PODXL: variants seen among roughly 807,000 people sequenced by gnomAD.
PODXL encodes the protein podocalyxin like.
In PODXL, 20 loss-of-function variants were observed where a neutral mutation model predicts 48.9. The ratio of observed to expected loss-of-function variants is 0.41; its 90% CI spans 0.29 to 0.59. PODXL has a LOEUF of 0.59. PODXL is among the 20% of genes least tolerant of loss of function. The pLI is 0.31. For synonymous variants in PODXL, 295 were observed against 287.4 expected, an observed-to-expected ratio of 1.03 and a Z score of -0.27; for missense variants, 606 against 675.1, an observed-to-expected ratio of 0.90 and a Z score of 1.13.
intron 1 of PODXL, among the ~76,000 whole-genome samples, chr7:131,522,803 A>G (rs908387508): frequency 1.3e-5 from 2 of 152,172 alleles, no homozygotes; most frequent in African/African-American, 4.8e-5. Context: ...TGTGTTTTCA[A>G]GCTTTTCTCT....
At chr7:131,537,320 A>C (rs1485027907) in intron 1 of PODXL, among the ~76,000 whole-genome samples, 1 of 150,028 alleles carries the variant, frequency 6.7e-6, no homozygotes, top group Non-Finnish European at 1.5e-5. Flanking sequence ...TTTAAAAAAA[A>C]AAAGCCAAGC....
intron 1 of PODXL, among the ~76,000 whole-genome samples, chr7:131,519,282 T>C (rs1798057381): frequency 6.6e-6 from 1 of 152,158 alleles, no homozygotes; most frequent in African/African-American, 2.4e-5. Context: ...TCACTCCTCA[T>C]TCAGCTGATC....
chr7:131,525,630 T>G (rs1798171631), intron 1 of PODXL, among the ~76,000 whole-genome samples: 1 of 150,610 alleles, frequency 6.6e-6, no homozygotes, highest in African/African-American at 2.4e-5. Flanking sequence ...AAGTATAACA[T>G]AACCTCGCTG....
intron 1 of PODXL, among the ~76,000 whole-genome samples, chr7:131,547,415 C>T (rs1424361561): frequency 6.9e-6 from 1 of 144,314 alleles, no homozygotes; most frequent in East Asian, 2.1e-4. Context: ...CGTGTGGATG[C>T]TTTCTGCACA....
At chr7:131,551,039 G>A (rs1798661212) in intron 1 of PODXL, among the ~76,000 whole-genome samples, 1 of 152,176 alleles carries the variant, frequency 6.6e-6, no homozygotes, top group African/African-American at 2.4e-5. Flanking sequence ...TGCACAGCCT[G>A]CAGGCTGCCG....
At chr7:131,527,647 A>T (rs929951336) in intron 1 of PODXL, among the ~76,000 whole-genome samples, 2 of 152,212 alleles carry the variant, frequency 1.3e-5, no homozygotes, top group African/African-American at 4.8e-5. Context: ...TAGGAAAATG[A>T]GTTTGCATGT....
intron 1 of PODXL, among the ~76,000 whole-genome samples, chr7:131,546,134 A>C (rs2116862308): frequency 6.6e-6 from 1 of 152,332 alleles, no homozygotes; most frequent in African/African-American, 2.4e-5. Flanking sequence ...GGCCATAGAA[A>C]GATCAACATC....
At chr7:131,539,292 A>G (rs1356678322) in intron 1 of PODXL, among the ~76,000 whole-genome samples, 1 of 152,234 alleles carries the variant, frequency 6.6e-6, no homozygotes, top group African/African-American at 2.4e-5. Context: ...CGAGGGAGAC[A>G]TATCTATCTT....
At chr7:131,537,822 C>G (rs369792292) in intron 1 of PODXL, among the ~76,000 whole-genome samples, 1 of 152,082 alleles carries the variant, frequency 6.6e-6, no homozygotes, top group South Asian at 2.1e-4. Flanking sequence ...ATCACACCGT[C>G]GTGACTCTTG....
chr7:131,508,985 T>C lies in PODXL; in HGVS notation c.1067A>G (p.Gln356Arg). 5 of 1,614,094 alleles carry C rather than the reference T, an allele frequency of 3.1e-6. No homozygotes were observed. Among genetic ancestry groups the C allele is most frequent in the Non-Finnish European group, 4.2e-6 (5 of 1,179,944 alleles). Residue 356 changes from glutamine to arginine, a missense_variant, in exon 5 of 9, where the codon CAG becomes CGG. Transcript: ENST00000378555. ...DLETQTQSEK[Q>R]LVLNLTGNTL... ...GTTTCCTGTGAGGTTCAGGACGAGC[T>C]GCTTCTCACTCTGTGTCTGTGTCTC...
chr7:131,546,065 C>T (rs1798570325), intron 1 of PODXL, among the ~76,000 whole-genome samples: 1 of 152,210 alleles, frequency 6.6e-6, no homozygotes, highest in East Asian at 1.9e-4. Flanking sequence ...AGTTGTTGGA[C>T]TGTAGCTCCA....
At chr7:131,556,110 T>G (rs2116880257) in intron 1 of PODXL, 150 bp downstream of exon 1, 1 of 1,122,200 alleles carries the variant, frequency 8.9e-7, no homozygotes, top group South Asian at 2.4e-5. Context: ...GCGTGGATGG[T>G]GCAAGGTCAG....
In PODXL at chr7:131,556,120, G is replaced by A. The variant is rs985360351; in HGVS notation, c.100+140C>T. 5.9e-6 allele frequency: 7 copies of A among 1,195,098 alleles called. No individual in the cohort carries two copies. In the African/African-American group the frequency reaches 9.6e-5, roughly 16 times the overall value. 74.0% of individuals were successfully genotyped at this position (1,195,098 alleles called of 1,614,324 possible). A position where few individuals can be genotyped will look rare whatever the true frequency, so the allele number is the denominator to read the frequency against. ...AGGGGGCGTGGATGGTGCAAGGTCA[G>A]GGCTCCGTGTGTGACCCCGGCGGTG... On this transcript the variant is annotated intron_variant, in intron 1 of 8. Coordinates refer to ENST00000378555, the MANE Select transcript of PODXL (RefSeq NM_001018111.3).
intron 1 of PODXL, among the ~76,000 whole-genome samples, chr7:131,550,448 C>T (rs190460891): frequency 5.1e-4 from 77 of 152,130 alleles, no homozygotes; most frequent in Middle Eastern, 3.4e-3. Context: ...CAAGGTTAGG[C>T]GTTCAAGACC....
chr7:131,517,327 G>C (rs931156735), intron 1 of PODXL, among the ~76,000 whole-genome samples: 1 of 152,178 alleles, frequency 6.6e-6, no homozygotes, highest in Admixed American at 6.5e-5. Context: ...TCGAGCAGCA[G>C]CTAACAGCTT....
rs559544789 is a variant in PODXL, at chr7:131,520,148, C to CGAAGAGGGTGGTGAGAAGAAAGG, written c.101-8738_101-8716dup. ...CTTGGGTGCGGTAAAATGGCTCCTG[C>CGAAGAGGGTGGTGAGAAGAAAGG]GAAGAGGGTGGTGAGAAGAAAGGCC... On this transcript the variant is annotated intron_variant, in intron 1 of 8. Coordinates refer to ENST00000378555, the MANE Select transcript of PODXL (RefSeq NM_001018111.3). The CGAAGAGGGTGGTGAGAAGAAAGG allele has an allele frequency of 3.4e-3, 788 of 230,286 alleles. 3 individuals are homozygous for CGAAGAGGGTGGTGAGAAGAAAGG. Among genetic ancestry groups the CGAAGAGGGTGGTGAGAAGAAAGG allele is most frequent in the Middle Eastern group, 5.2e-3 (3 of 576 alleles). 14.3% of individuals were successfully genotyped at this position (230,286 alleles called of 1,614,324 possible). A position where few individuals can be genotyped will look rare whatever the true frequency, so the allele number is the denominator to read the frequency against.
Position 131,501,727 on chromosome 7 carries a change from T to TA in PODXL, c.*2583dup, listed in dbSNP as rs1207566769. On this transcript the variant is annotated 3_prime_UTR_variant, in exon 9 of 9. Coordinates refer to ENST00000378555, the MANE Select transcript of PODXL (RefSeq NM_001018111.3). ...CATGCTGAGCTTCTAGTGTTCCTCT[T>TA]ACCTCTTCCCAGACCCAATGCTCTC... 2 of 152,162 alleles carry TA rather than the reference T, an allele frequency of 1.3e-5. No homozygotes were observed. Among genetic ancestry groups the TA allele is most frequent in the African/African-American group, 4.8e-5 (2 of 41,422 alleles). 9.4% of individuals were successfully genotyped at this position (152,162 alleles called of 1,614,324 possible). A position where few individuals can be genotyped will look rare whatever the true frequency, so the allele number is the denominator to read the frequency against.
chr7:131,510,157 AC>A (rs1305853121), intron 3 of PODXL, 78 bp downstream of exon 3: 4 of 426,816 alleles, frequency 9.4e-6, no homozygotes, highest in Non-Finnish European at 1.8e-5. Flanking sequence ...AAATTGATTT[AC>A]TAGGTTAAGA....
intron 8 of PODXL, 67 bp from the exon 9 acceptor site, chr7:131,504,575 T>C: frequency 7.6e-7 from 1 of 1,309,318 alleles, no homozygotes; most frequent in Non-Finnish European, 1.1e-6. Context: ...ACAGCGCATG[T>C]ACGTACCCCT....
Sources: gnomAD v4.1 joint callset for allele counts (sites outside exome capture counted in the v4.1 genomes callset) on GRCh38, gnomAD v4.1.1 for gene constraint, MANE v1.5 for transcripts, NCBI Gene and HGNC (gene_info 2026-07-23, HGNC 2026-07-21) for gene names.